Variants in CACNA2D1 observed in about 807,000 individuals in gnomAD.
CACNA2D1 encodes voltage-dependent calcium channel subunit alpha-2/delta-1.
In CACNA2D1, 53 loss-of-function variants were observed where a neutral mutation model predicts 171.5. The observed-to-expected ratio is 0.31, with a 90% CI of 0.25 to 0.39. The LOEUF (loss-of-function observed/expected upper bound fraction) is 0.39, where lower values mean the gene tolerates loss of function less well. Among genes scored for constraint, CACNA2D1 ranks in the 10% least tolerant of loss-of-function variants. The pLI, the probability that CACNA2D1 is intolerant of heterozygous loss-of-function variation, is 1.00. For synonymous variants in CACNA2D1, 442 were observed against 443.1 expected (o/e 1.00, Z 0.03); for missense variants, 903 against 1,299.8 (o/e 0.69, Z 4.69).
intron 3 of CACNA2D1, among the ~76,000 whole-genome samples, chr7:82,172,328 T>C (rs1426402976): frequency 1.3e-5 from 2 of 151,342 alleles, no homozygotes; most frequent in Non-Finnish European, 2.9e-5. Context: ...ACATGAAAAA[T>C]GAAGCAAAAC....
chr7:82,333,898 C>G (rs188026152), intron 3 of CACNA2D1, among the ~76,000 whole-genome samples: 130 of 152,178 alleles, frequency 8.5e-4, no homozygotes, highest in African/African-American at 3.0e-3. Flanking sequence ...TGTATAACCT[C>G]AGGTTAGCCA....
rs1258676891 is a variant in CACNA2D1 at position 81,961,969 on chromosome 7, G to T, written c.2891C>A (p.Thr964Asn). The T allele has an allele frequency of 2.9e-5, 46 of 1,611,904 alleles. No homozygotes were observed. Among genetic ancestry groups the T allele is most frequent in the Non-Finnish European group, 3.8e-5 (45 of 1,178,554 alleles). ...TASLSKQSCI[T>N]EQTQYFFDND... ...ATCGAAGAAATACTGGGTTTGTTCAGTAATGCAGCTCTGCTTGGACAGGGA... is the reference window on the plus strand; with the variant it reads ...ATCGAAGAAATACTGGGTTTGTTCATTAATGCAGCTCTGCTTGGACAGGGA... Residue 964 changes from threonine to asparagine, a missense_variant, in exon 36 of 39, where the codon ACT (threonine) becomes AAT (asparagine). By Grantham distance (65) the Thr-to-Asn change is moderately conservative (BLOSUM62 0). Coordinates refer to ENST00000356860, the MANE Select transcript of CACNA2D1 (RefSeq NM_000722.4).
intron 1 of CACNA2D1, among the ~76,000 whole-genome samples, chr7:82,422,541 G>C (rs925632771): frequency 6.6e-6 from 1 of 152,044 alleles, no homozygotes; most frequent in African/African-American, 2.4e-5. Context: ...AATTCAATTC[G>C]TTTTAAGTGA....
At chr7:81,993,616 T>C (rs1391016801) in intron 20 of CACNA2D1, among the ~76,000 whole-genome samples, 6 of 152,142 alleles carry the variant, frequency 3.9e-5, no homozygotes, top group African/African-American at 1.4e-4. Flanking sequence ...GTCTATAAAA[T>C]AGTGAATAGT....
At chr7:82,434,595 G>A (rs140697708) in intron 1 of CACNA2D1, among the ~76,000 whole-genome samples, 2 of 152,218 alleles carry the variant, frequency 1.3e-5, no homozygotes, top group East Asian at 3.9e-4. Flanking sequence ...TCATTATGTT[G>A]TTCCACTTTA....
At chr7:82,028,469 G>A (rs1200840148) in intron 12 of CACNA2D1, 1 of 151,750 alleles carries the variant, frequency 6.6e-6, no homozygotes, top group Non-Finnish European at 1.5e-5. Flanking sequence ...AGAACTAATT[G>A]TGACTTTCAA....
At chr7:82,439,538 G>A (rs1830344834) in intron 1 of CACNA2D1, among the ~76,000 whole-genome samples, 1 of 151,446 alleles carries the variant, frequency 6.6e-6, no homozygotes, top group African/African-American at 2.4e-5. Flanking sequence ...AGATAATAAA[G>A]GCACATTTCA....
At chr7:82,292,311 A>G (rs1811745461) in intron 3 of CACNA2D1, among the ~76,000 whole-genome samples, 1 of 152,066 alleles carries the variant, frequency 6.6e-6, no homozygotes, top group African/African-American at 2.4e-5. Context: ...CCCTGCACCT[A>G]TTTGATGGGA....
chr7:81,968,204 T>G (rs1367826862), intron 29 of CACNA2D1, among the ~76,000 whole-genome samples: 1 of 151,416 alleles, frequency 6.6e-6, no homozygotes, highest in Non-Finnish European at 1.5e-5. Flanking sequence ...GGGGTAAAGC[T>G]GTCCTCAGGA....
At chr7:81,975,140 T>G (rs1019541624) in intron 24 of CACNA2D1, among the ~76,000 whole-genome samples, 3 of 152,120 alleles carry the variant, frequency 2.0e-5, no homozygotes, top group Non-Finnish European at 2.9e-5. Context: ...TTCCTGGTTG[T>G]GATACTGTGT....
chr7:82,093,958 C>T (rs1811546865), intron 6 of CACNA2D1, among the ~76,000 whole-genome samples: 1 of 152,112 alleles, frequency 6.6e-6, no homozygotes, highest in African/African-American at 2.4e-5. Flanking sequence ...CCATATAAAT[C>T]TGGACTGCTG....
intron 34 of CACNA2D1, among the ~76,000 whole-genome samples, chr7:81,963,117 G>T (rs1396448074): frequency 6.6e-6 from 1 of 151,810 alleles, no homozygotes; most frequent in Non-Finnish European, 1.5e-5. Flanking sequence ...AAGTATTTCA[G>T]GGTCATGATG....
intron 24 of CACNA2D1, among the ~76,000 whole-genome samples, chr7:81,982,135 T>C (rs1446617548): frequency 6.7e-6 from 1 of 148,802 alleles, no homozygotes; most frequent in East Asian, 2.0e-4. Context: ...CACATAGTAA[T>C]TGCTTTTTTT....
intron 3 of CACNA2D1, among the ~76,000 whole-genome samples, chr7:82,269,049 C>T (rs768443064): frequency 6.6e-6 from 1 of 152,094 alleles, no homozygotes; most frequent in African/African-American, 2.4e-5. Context: ...AAACCTGAAA[C>T]CTAGATGTCT....
intron 6 of CACNA2D1, among the ~76,000 whole-genome samples, chr7:82,089,200 A>T (rs998044363): frequency 2.0e-5 from 3 of 152,154 alleles, no homozygotes; most frequent in African/African-American, 4.8e-5. Flanking sequence ...ATATACTTCC[A>T]GTTTCTTGCT....
intron 2 of CACNA2D1, among the ~76,000 whole-genome samples, chr7:82,340,334 G>GT (rs1291254559): frequency 6.9e-6 from 1 of 145,626 alleles, no homozygotes; most frequent in African/African-American, 2.5e-5. Context: ...GGCTAAGTTT[G>GT]TTTTTTGTTT....
chr7:82,400,889 G>A (rs1007506145), intron 1 of CACNA2D1, among the ~76,000 whole-genome samples: 7 of 151,838 alleles, frequency 4.6e-5, no homozygotes, highest in South Asian at 4.2e-4. Flanking sequence ...TCAAAAAGTG[G>A]GTGAAGGACA....
Position 81,951,975 on chromosome 7 carries a change from T to TTTTTTG in CACNA2D1, c.3160-1468_3160-1467insCAAAAA, listed in dbSNP as rs1554321718. On this transcript the variant is annotated intron_variant, in intron 38 of 38. Coordinates refer to ENST00000356860, the MANE Select transcript of CACNA2D1 (RefSeq NM_000722.4). ...CACCAGCAGTGTACAAAGTGTTTTT[T>TTTTTTG]TTTTTTTTTTTTTTTTAACCACATC... is the stretch of plus-strand genomic sequence containing the variant. 3.4e-5 allele frequency among the ~76,000 whole-genome samples: 5 copies of TTTTTTG among 147,376 alleles called. 1 individual carries two copies. Among genetic ancestry groups the TTTTTTG allele is most frequent in the Admixed American group, 2.7e-4 (4 of 14,746 alleles).
intron 3 of CACNA2D1, among the ~76,000 whole-genome samples, chr7:82,317,393 T>C (rs530627086): frequency 6.6e-6 from 1 of 152,328 alleles, no homozygotes; most frequent in East Asian, 1.9e-4. Flanking sequence ...AGGAAAAGTA[T>C]GGCCTGCCTT....
Sources: allele counts gnomAD v4.1 joint callset (sites outside exome capture counted in the v4.1 genomes callset), GRCh38; gene constraint gnomAD v4.1.1; transcripts MANE v1.5; gene names NCBI Gene and HGNC (gene_info 2026-07-23, HGNC 2026-07-21).